GDPD4: variants seen among roughly 807,000 people sequenced by gnomAD.
GDPD4 encodes glycerophosphodiester phosphodiesterase 6.
A neutral mutation model predicts 67.8 loss-of-function variants in GDPD4; 60 were observed. That is an observed-to-expected ratio of 0.88 (90% CI 0.72 to 1.10). GDPD4 has a LOEUF of 1.10. GDPD4 is among the 50% of genes least tolerant of loss of function. The probability of loss-of-function intolerance (pLI) is 0.00; values close to 1 mark genes in which losing one functional copy is unlikely to be tolerated. For missense variants in GDPD4, 623 were observed against 613.9 expected (o/e 1.01, Z -0.16); for synonymous variants, 212 against 210.9 (o/e 1.00, Z -0.04).
intron 1 of GDPD4, among the ~76,000 whole-genome samples, chr11:77,300,207 T>G (rs1938113862): frequency 6.6e-6 from 1 of 151,958 alleles, no homozygotes; most frequent in Non-Finnish European, 1.5e-5. Context: ...ACCCCGTCAC[T>G]CTCTCTAAAT....
In GDPD4 at chr11:77,258,382, T is replaced by C. The variant is rs777153468; in HGVS notation, c.864+4A>G. 6.2e-7 allele frequency: 1 copy of C among 1,613,932 alleles called. No homozygotes were observed. The highest frequency in any genetic ancestry group is 1.7e-4 in the Middle Eastern group (1 of 6,058). ...GGTTTGTGGAACTTGGGAATGTGTC[T>C]TACCTCTGGTTTTACAAACCATTTG... On this transcript the variant is annotated splice_donor_region_variant and intron_variant, in intron 11 of 16. Transcript: ENST00000315938.
intron 8 of GDPD4, 142 bp from the exon 9 acceptor site, chr11:77,269,211 T>G: frequency 1.5e-6 from 1 of 684,936 alleles, no homozygotes; most frequent in South Asian, 2.0e-5. Context: ...ACTTTCTATT[T>G]CTGTGACATT....
At chr11:77,254,065 C>T (rs1035537842) in intron 11 of GDPD4, among the ~76,000 whole-genome samples, 1 of 152,148 alleles carries the variant, frequency 6.6e-6, no homozygotes, top group East Asian at 1.9e-4. Flanking sequence ...CTACTCACCT[C>T]TGGAGCAAGA....
chr11:77,269,661 C>G (rs1245869850), intron 8 of GDPD4, among the ~76,000 whole-genome samples: 1 of 152,068 alleles, frequency 6.6e-6, no homozygotes, highest in African/African-American at 2.4e-5. Flanking sequence ...ATAATAGTTA[C>G]TCTATAAATA....
At chr11:77,294,960 CTTTTTTTTTT>C (rs144796072) in intron 1 of GDPD4, among the ~76,000 whole-genome samples, 2 of 66,386 alleles carry the variant, frequency 3.0e-5, no homozygotes, top group Non-Finnish European at 5.3e-5. Context: ...TACAACTTTG[CTTTTTTTTTT>C]TTTTTTTTTT....
Position 77,229,233 on chromosome 11 carries a change from C to A in GDPD4, c.1390-1G>T, listed in dbSNP as rs1958407206. 1.3e-6 allele frequency: 2 copies of A among 1,585,574 alleles called. No individual in the cohort carries two copies. Among genetic ancestry groups the A allele is most frequent in the Non-Finnish European group, 1.7e-6 (2 of 1,160,274 alleles). On this transcript the variant is annotated splice_acceptor_variant, in intron 14 of 16. Transcript: ENST00000315938. LOFTEE classifies it high-confidence loss of function. ...ACATGAACACATAGAACTTTGGTGT[C>A]TGAAAAACATAAACCACAGTGAAAG...
rs781249031 is a variant in GDPD4, at chr11:77,269,075, A to C, written c.479-6T>G. On this transcript the variant is annotated splice_region_variant and splice_polypyrimidine_tract_variant and intron_variant, in intron 8 of 16. Coordinates refer to ENST00000315938, the MANE Select transcript of GDPD4 (RefSeq NM_182833.3). ...TCCAACAGGCACTTGTAGACCTGAA[A>C]AATTTGAAAGGAAGGGGAAGTGGGG... 6.2e-7 allele frequency: 1 copy of C among 1,611,888 alleles called. No homozygotes were observed. The highest frequency in any genetic ancestry group is 8.5e-7 in the Non-Finnish European group (1 of 1,179,174).
At chr11:77,290,011 C>G (rs1937720061) in intron 1 of GDPD4, among the ~76,000 whole-genome samples, 1 of 152,116 alleles carries the variant, frequency 6.6e-6, no homozygotes, top group African/African-American at 2.4e-5. Flanking sequence ...GAAAACTTCC[C>G]AAGTCTTACA....
At chr11:77,267,935 AG>A (rs1270953516) in intron 10 of GDPD4, among the ~76,000 whole-genome samples, 1 of 152,034 alleles carries the variant, frequency 6.6e-6, no homozygotes, top group Non-Finnish European at 1.5e-5. Context: ...CCCACACAAC[AG>A]GAAGTGACCT....
intron 1 of GDPD4, among the ~76,000 whole-genome samples, chr11:77,295,145 GTTGTTT>G (rs1309424602): frequency 1.5e-4 from 23 of 151,184 alleles, no homozygotes; most frequent in African/African-American, 2.7e-4. Context: ...TGTTGTTGTT[GTTGTTT>G]TTGTTTTTGT....
intron 1 of GDPD4, among the ~76,000 whole-genome samples, chr11:77,296,778 G>C (rs978936535): frequency 6.6e-6 from 1 of 151,330 alleles, no homozygotes. Context: ...TTCCTTTTTT[G>C]GCCGGGTGCG....
intron 16 of GDPD4, among the ~76,000 whole-genome samples, chr11:77,222,652 C>T (rs1048025173): frequency 2.6e-5 from 4 of 152,188 alleles, no homozygotes; most frequent in Non-Finnish European, 5.9e-5. Context: ...TTCTCTCTGG[C>T]TGCCCTTAAC....
At chr11:77,295,026 G>C (rs1163605401) in intron 1 of GDPD4, among the ~76,000 whole-genome samples, 2 of 140,784 alleles carry the variant, frequency 1.4e-5, no homozygotes, top group African/African-American at 5.3e-5. Flanking sequence ...GAGTGCAGTG[G>C]AAGGCGATCT....
intron 16 of GDPD4, among the ~76,000 whole-genome samples, chr11:77,222,020 CTG>C (rs1958236077): frequency 1.3e-5 from 2 of 152,172 alleles, no homozygotes; most frequent in African/African-American, 4.8e-5. Context: ...GGTTTAAAGT[CTG>C]TTTTATCAGA....
intron 1 of GDPD4, among the ~76,000 whole-genome samples, chr11:77,295,312 A>C (rs1304899430): frequency 6.6e-6 from 1 of 151,632 alleles, no homozygotes; most frequent in Non-Finnish European, 1.5e-5. Flanking sequence ...CTTTGTAAAA[A>C]TTAAATGGAT....
At chr11:77,285,050 C>G (rs745388648) in intron 3 of GDPD4, 35 bp downstream of exon 3, 1 of 1,523,760 alleles carries the variant, frequency 6.6e-7, no homozygotes. Flanking sequence ...CCAAAATACC[C>G]TTACACAAAT....
At chr11:77,266,837 T>C (rs755477533) in intron 10 of GDPD4, among the ~76,000 whole-genome samples, 2 of 152,260 alleles carry the variant, frequency 1.3e-5, no homozygotes, top group Non-Finnish European at 2.9e-5. Flanking sequence ...GTAGTTGTGC[T>C]TACACTAAGT....
rs562023935 is a variant in GDPD4, at chr11:77,271,487, G to T, written c.208-94C>A. ...TATATGTGTGTCTTCACAATGTCAG[G>T]GACCTTATCTGCTTCCTCATTCTTT... On this transcript the variant is annotated intron_variant, in intron 5 of 16. Transcript: ENST00000315938. 79 of 715,336 alleles carry T rather than the reference G, an allele frequency of 1.1e-4. 1 individual carries two copies. The South Asian group carries it at 1.4e-3, about 12-fold the overall frequency. The allele number at this position is 715,336 out of a possible 1,614,324, so 44.3% of individuals were successfully genotyped here.
chr11:77,284,715 G>A (rs1372779471), intron 3 of GDPD4, among the ~76,000 whole-genome samples: 2 of 152,150 alleles, frequency 1.3e-5, no homozygotes, highest in Admixed American at 6.5e-5. Flanking sequence ...AGAAGGCAGG[G>A]TTCAGGGATA....
Sources: allele counts gnomAD v4.1 joint callset (sites outside exome capture counted in the v4.1 genomes callset), GRCh38; gene constraint gnomAD v4.1.1; transcripts MANE v1.5; gene names NCBI Gene and HGNC (gene_info 2026-07-23, HGNC 2026-07-21).